The following NECTIN1 variants were observed in gnomAD, a reference collection of about 807,000 sequenced individuals.
The protein encoded by NECTIN1 is nectin-1.
NECTIN1 carries 23 observed loss-of-function variants against 48.0 expected under a neutral mutation model. The ratio of observed to expected loss-of-function variants is 0.48; its 90% CI spans 0.34 to 0.68. NECTIN1 has a LOEUF of 0.68. Ranked by LOEUF, NECTIN1 falls within the 30% of genes least tolerant of loss-of-function variation. The probability of loss-of-function intolerance (pLI) is 0.01; values close to 1 mark genes in which losing one functional copy is unlikely to be tolerated. For missense variants in NECTIN1, 591 were observed against 709.9 expected (o/e 0.83, Z 1.90); for synonymous variants, 270 against 288.9 (o/e 0.93, Z 0.66).
At chr11:119,694,234 G>C (rs548787718) in intron 1 of NECTIN1, among the ~76,000 whole-genome samples, 44 of 152,306 alleles carry the variant, frequency 2.9e-4, no homozygotes, top group Non-Finnish European at 5.1e-4. Flanking sequence ...GAGCTGGCAG[G>C]GTCGGACCCA....
rs1304027855 is a variant in NECTIN1, at chr11:119,678,191, C to A, written c.430+224G>T. Among the ~76,000 whole-genome samples, 3 of 152,224 alleles carry A rather than the reference C, an allele frequency of 2.0e-5. No homozygotes were observed. Among genetic ancestry groups the A allele is most frequent in the Non-Finnish European group, 4.4e-5 (3 of 68,042 alleles). ...AGCACAGTGCCTTGTGGGCTTCAAC[C>A]TGAAGAATCACGTTCCCCACTGTCT... On this transcript the variant is annotated intron_variant, in intron 2 of 5. Coordinates refer to ENST00000264025, the MANE Select transcript of NECTIN1 (RefSeq NM_002855.5). The surrounding 1 kb of genome is among the most constrained non-coding windows in gnomAD (Gnocchi z 4.4).
intron 5 of NECTIN1, chr11:119,653,917 G>A (rs1201468703): frequency 6.6e-6 from 1 of 152,168 alleles, no homozygotes; most frequent in Non-Finnish European, 1.5e-5. Context: ...TAAAATTCAG[G>A]GAAGGCAGGC....
intron 1 of NECTIN1, chr11:119,687,179 A>G (rs1865173510): frequency 6.6e-6 from 1 of 151,866 alleles, no homozygotes; most frequent in Non-Finnish European, 1.5e-5. Context: ...CTCCAACCCC[A>G]CGACTTCTGC....
At chr11:119,639,458 C>G (rs1298558574) in intron 6 of NECTIN1, 1 of 298,070 alleles carries the variant, frequency 3.4e-6, no homozygotes, top group African/African-American at 2.2e-5. Context: ...TTGGCTCCCC[C>G]CATATACTTT....
intron 1 of NECTIN1, among the ~76,000 whole-genome samples, chr11:119,715,034 G>A (rs140118390): frequency 3.3e-3 from 507 of 152,308 alleles, no homozygotes; most frequent in African/African-American, 0.011. Flanking sequence ...ACTAATGGGA[G>A]GGAGCTTCAG....
At chr11:119,676,246 CCT>C (rs1864945752) in intron 4 of NECTIN1, among the ~76,000 whole-genome samples, 1 of 152,156 alleles carries the variant, frequency 6.6e-6, no homozygotes, top group Non-Finnish European at 1.5e-5. Context: ...TCCTCCTGAC[CCT>C]CAAAGGCCAC....
chr11:119,704,687 A>T (rs1218902513), intron 1 of NECTIN1, among the ~76,000 whole-genome samples: 1 of 152,158 alleles, frequency 6.6e-6, no homozygotes, highest in Non-Finnish European at 1.5e-5. Context: ...AGGGCTCAGA[A>T]TGAGTCTCCA....
In NECTIN1 at chr11:119,677,023, A is replaced by C; in HGVS notation, c.851+79T>G. 1 of 1,237,944 alleles carries C rather than the reference A, an allele frequency of 8.1e-7. No homozygotes were observed. The highest frequency in any genetic ancestry group is 1.2e-6 in the Non-Finnish European group (1 of 838,042). The allele number at this position is 1,237,944 out of a possible 1,614,324, so 76.7% of individuals were successfully genotyped here. ...TTCTTCCCTGCCTAAAGGCTCCTGGAGGTAGGATGGTTGCCCCTCATCACC... is the reference window on the plus strand; with the variant it reads ...TTCTTCCCTGCCTAAAGGCTCCTGGCGGTAGGATGGTTGCCCCTCATCACC... On this transcript the variant is annotated intron_variant, in intron 4 of 5. Coordinates refer to ENST00000264025, the MANE Select transcript of NECTIN1 (RefSeq NM_002855.5). This position sits in a 1 kb window ranked among gnomAD's most constrained non-coding sequence, Gnocchi z 5.4.
chr11:119,646,852 G>A (rs1864401924), intron 5 of NECTIN1, among the ~76,000 whole-genome samples: 1 of 152,254 alleles, frequency 6.6e-6, no homozygotes, highest in Non-Finnish European at 1.5e-5. Flanking sequence ...GTTTTCGTCT[G>A]TGAAATGAAA....
chr11:119,666,168 G>A (rs923642196), intron 5 of NECTIN1, among the ~76,000 whole-genome samples: 3 of 152,334 alleles, frequency 2.0e-5, no homozygotes, highest in Admixed American at 6.5e-5. Context: ...GTGTGCGTGC[G>A]TGGCAATGTC....
Position 119,678,881 on chromosome 11 carries a change from T to G in NECTIN1, c.80-116A>C. 1 of 735,082 alleles carries G rather than the reference T, an allele frequency of 1.4e-6. No homozygotes were observed. Among genetic ancestry groups the G allele is most frequent in the Non-Finnish European group, 2.4e-6 (1 of 419,160 alleles). The allele number at this position is 735,082 out of a possible 1,614,324, so 45.5% of individuals were successfully genotyped here. On this transcript the variant is annotated intron_variant, in intron 1 of 5. Coordinates refer to ENST00000264025, the MANE Select transcript of NECTIN1 (RefSeq NM_002855.5). This position sits in a 1 kb window ranked among gnomAD's most constrained non-coding sequence, Gnocchi z 4.4. ...GCAGTCATTATTGTTTTTATTCCGATTGTAAAAATATTAATTACTTGTTAT... is the reference window on the plus strand; with the variant it reads ...GCAGTCATTATTGTTTTTATTCCGAGTGTAAAAATATTAATTACTTGTTAT...
intron 5 of NECTIN1, among the ~76,000 whole-genome samples, chr11:119,651,942 G>T (rs1484753951): frequency 2.6e-5 from 4 of 152,118 alleles, no homozygotes; most frequent in African/African-American, 9.7e-5. Flanking sequence ...AATCAGAGAG[G>T]CAAAGGGCCT....
At chr11:119,638,978 G>A (rs1864279819) in intron 6 of NECTIN1, among the ~76,000 whole-genome samples, 1 of 147,120 alleles carries the variant, frequency 6.8e-6, no homozygotes, top group African/African-American at 2.5e-5. Flanking sequence ...CTCCTCAGGG[G>A]TCATGGGTTA....
At chr11:119,705,184 G>A (rs1332890711) in intron 1 of NECTIN1, among the ~76,000 whole-genome samples, 1 of 152,180 alleles carries the variant, frequency 6.6e-6, no homozygotes, top group African/African-American at 2.4e-5. Flanking sequence ...ATTTCAGGGA[G>A]ACTTCATGTG....
intron 6 of NECTIN1, chr11:119,638,928 TC>T: frequency 1.2e-6 from 1 of 867,496 alleles, no homozygotes; most frequent in Non-Finnish European, 1.9e-6. Flanking sequence ...GAGCTCTGCT[TC>T]CCAGGCAGCC....
At chr11:119,691,836 C>G (rs1464145299) in intron 1 of NECTIN1, among the ~76,000 whole-genome samples, 1 of 152,188 alleles carries the variant, frequency 6.6e-6, no homozygotes, top group Non-Finnish European at 1.5e-5. Context: ...CCTGCCTGGC[C>G]TGCCCTGCTC....
intron 1 of NECTIN1, among the ~76,000 whole-genome samples, chr11:119,721,054 T>C (rs530633911): frequency 1.3e-5 from 2 of 152,268 alleles, no homozygotes; most frequent in South Asian, 4.1e-4. Context: ...CCAAGGCTGT[T>C]GCGAGGACTC....
intron 1 of NECTIN1, among the ~76,000 whole-genome samples, chr11:119,722,381 T>A (rs916712113): frequency 1.7e-4 from 26 of 152,260 alleles, no homozygotes; most frequent in African/African-American, 6.0e-4. Flanking sequence ...TCTACCCATC[T>A]GGCTGATATC....
rs1865275939 is a variant in NECTIN1, at chr11:119,692,541, C to T, written c.80-13776G>A. Among the ~76,000 whole-genome samples, 3 of 152,332 alleles carry T rather than the reference C, an allele frequency of 2.0e-5. No individual in the cohort carries two copies. In the South Asian group the frequency reaches 6.2e-4, roughly 32 times the overall value. ...AGCAGAAGCTGGGGCTCAAGTGCTC[C>T]CCTCCTTCCCTCCCTGGGGGAGAAA... On this transcript the variant is annotated intron_variant, in intron 1 of 5. Coordinates refer to ENST00000264025, the MANE Select transcript of NECTIN1 (RefSeq NM_002855.5).
Sources: allele counts gnomAD v4.1 joint callset (sites outside exome capture counted in the v4.1 genomes callset), GRCh38; gene constraint gnomAD v4.1.1; non-coding constraint Gnocchi (gnomAD v3.1); transcripts MANE v1.5; gene names NCBI Gene and HGNC (gene_info 2026-07-23, HGNC 2026-07-21).